The following DMD variants were observed in gnomAD, a reference collection of about 807,000 sequenced individuals.
DMD encodes dystrophin.
Under a neutral mutation model 330.1 loss-of-function variants are expected in DMD, and 63 were observed. That is an observed-to-expected ratio of 0.19 (90% CI 0.16 to 0.24). The LOEUF is 0.24. DMD is among the 10% of genes least tolerant of loss of function. The probability of loss-of-function intolerance (pLI) is 1.00; values close to 1 mark genes in which losing one functional copy is unlikely to be tolerated. For synonymous variants in DMD, 1,223 were observed against 959.8 expected, an observed-to-expected ratio of 1.27 and a Z score of -5.07; for missense variants, 3,344 against 2,684.1, an observed-to-expected ratio of 1.25 and a Z score of -5.43.
intron 53 of DMD, among the ~76,000 whole-genome samples, chrX:31,664,643 C>T (rs2081322061): frequency 1.0e-5 from 1 of 98,764 alleles, no homozygotes; most frequent in South Asian, 4.9e-4. Context: ...GGAACATACT[C>T]CCTGGGTAGT....
At chrX:31,282,188 C>T (rs2052667759) in intron 62 of DMD, among the ~76,000 whole-genome samples, 1 of 112,059 alleles carries the variant, frequency 8.9e-6, no homozygotes, top group South Asian at 3.7e-4. Context: ...TTACATCACC[C>T]ACAAGCCTTC....
chrX:32,491,255 T>A, intron 20 of DMD, 22 bp downstream of exon 20: 1 of 1,210,315 alleles, frequency 8.3e-7, no homozygotes, highest in Admixed American at 2.2e-5. Context: ...ATGCTCCAAA[T>A]GGAAGGAGAA....
chrX:33,161,341 CAG>C (rs1282853188), intron 1 of DMD, among the ~76,000 whole-genome samples: 1 of 111,731 alleles, frequency 9.0e-6, no homozygotes, highest in Non-Finnish European at 1.9e-5. Context: ...GATTGAGGAA[CAG>C]AGAGGTTAAA....
At chrX:32,946,414 T>G (rs1257823973) in intron 2 of DMD, among the ~76,000 whole-genome samples, 1 of 111,679 alleles carries the variant, frequency 9.0e-6, no homozygotes, top group Non-Finnish European at 1.9e-5. Context: ...GATAACTCAT[T>G]TTTTCATTAA....
At chrX:33,229,475 C>T (rs1222789216) in intron 1 of DMD, among the ~76,000 whole-genome samples, 1 of 111,626 alleles carries the variant, frequency 9.0e-6, no homozygotes, top group Non-Finnish European at 1.9e-5. Flanking sequence ...AGAAAAAACG[C>T]ACACTATTTG....
intron 1 of DMD, among the ~76,000 whole-genome samples, chrX:33,265,581 A>C (rs968572590): frequency 9.0e-6 from 1 of 111,573 alleles, no homozygotes; most frequent in African/African-American, 3.2e-5. Flanking sequence ...TAGCATCAAC[A>C]AACTATATTA....
intron 60 of DMD, among the ~76,000 whole-genome samples, chrX:31,393,209 G>A (rs2060755325): frequency 9.0e-6 from 1 of 111,664 alleles, no homozygotes; most frequent in African/African-American, 3.3e-5. Flanking sequence ...TGGGCATGGT[G>A]GCTCATGCCT....
intron 62 of DMD, among the ~76,000 whole-genome samples, chrX:31,307,249 T>A (rs2055109876): frequency 8.9e-6 from 1 of 111,943 alleles, no homozygotes; most frequent in Admixed American, 9.6e-5. Context: ...GTTTTCTCCA[T>A]CCCTCCATGT....
At chrX:31,134,486 G>T (rs1369376130) in intron 76 of DMD, among the ~76,000 whole-genome samples, 1 of 104,138 alleles carries the variant, frequency 9.6e-6, no homozygotes, top group African/African-American at 3.6e-5. Flanking sequence ...GCAGTGGCAC[G>T]ATCTTGGCTC....
intron 2 of DMD, among the ~76,000 whole-genome samples, chrX:33,015,085 A>T (rs2093775021): frequency 9.0e-6 from 1 of 111,576 alleles, no homozygotes; most frequent in South Asian, 3.7e-4. Flanking sequence ...AATGAGTTAA[A>T]CCATTGTGGA....
Position 32,465,597 on chromosome X carries a change from T to TG in DMD, c.3163-899_3163-898insC, listed in dbSNP as rs1378227621. ...TTTGTTTTTTGTTTTTTTTTTTTTT[T>TG]TTTTTTGAGATGGAGTCTTGCTCTG... On this transcript the variant is annotated intron_variant, in intron 23 of 78. Transcript: ENST00000357033. 3.1e-5 allele frequency among the ~76,000 whole-genome samples: 3 copies of TG among 98,126 alleles called. No individual in the cohort carries two copies. The Admixed American group carries it at 3.4e-4, about 11-fold the overall frequency. The allele number at this position is 98,126 out of a possible 115,157, so 85.2% of individuals were successfully genotyped here. A position where few individuals can be genotyped will look rare whatever the true frequency, so the allele number is the denominator to read the frequency against.
At chrX:33,044,653 G>A (rs150062414) in intron 1 of DMD, among the ~76,000 whole-genome samples, 88 of 111,909 alleles carry the variant, frequency 7.9e-4, no homozygotes, top group Non-Finnish European at 1.1e-3. Context: ...CTTTATGCCC[G>A]AGTGCTAATT....
chrX:32,593,167 C>A (rs1031389994), intron 13 of DMD, among the ~76,000 whole-genome samples: 3 of 112,638 alleles, frequency 2.7e-5, no homozygotes, highest in African/African-American at 6.5e-5. Flanking sequence ...GTGCTGCCGG[C>A]CACAGAGGTT....
intron 13 of DMD, among the ~76,000 whole-genome samples, chrX:32,592,445 G>A (rs1480649439): frequency 1.8e-5 from 2 of 110,825 alleles, no homozygotes; most frequent in Non-Finnish European, 3.8e-5. Context: ...CTGCATAAAG[G>A]AGCCACCCAC....
chrX:31,321,583 CAAAA>C (rs1190446358), intron 62 of DMD, among the ~76,000 whole-genome samples: 13 of 10,472 alleles, frequency 1.2e-3, no homozygotes, highest in Middle Eastern at 0.067. Flanking sequence ...AACTCCATCT[CAAAA>C]AAAAAAAAAA....
chrX:32,629,229 G>A (rs1045093630), intron 11 of DMD, among the ~76,000 whole-genome samples: 76 of 111,484 alleles, frequency 6.8e-4, no homozygotes, highest in African/African-American at 2.4e-3. Context: ...CAATTGTTAT[G>A]TCCTCTTGCT....
At chrX:31,546,137 G>A (rs1308236476) in intron 55 of DMD, among the ~76,000 whole-genome samples, 1 of 112,201 alleles carries the variant, frequency 8.9e-6, no homozygotes, top group African/African-American at 3.2e-5. Flanking sequence ...GTCTTCTAAC[G>A]ACAAAAACAG....
chrX:32,479,530 A>G (rs1461679628), intron 21 of DMD, among the ~76,000 whole-genome samples: 1 of 110,312 alleles, frequency 9.1e-6, no homozygotes, highest in East Asian at 2.8e-4. Context: ...GAGATCATAC[A>G]GTATTTGTCT....
intron 55 of DMD, among the ~76,000 whole-genome samples, chrX:31,511,056 G>C (rs776532818): frequency 9.0e-6 from 1 of 110,750 alleles, no homozygotes; most frequent in South Asian, 3.8e-4. Flanking sequence ...CAGGCTGGTA[G>C]GAAATCTTTC....
Sources: gnomAD v4.1 joint callset for allele counts (sites outside exome capture counted in the v4.1 genomes callset) on GRCh38, gnomAD v4.1.1 for gene constraint, MANE v1.5 for transcripts, NCBI Gene and HGNC (gene_info 2026-07-23, HGNC 2026-07-21) for gene names.